NTM: variants seen among roughly 807,000 people sequenced by gnomAD.
NTM encodes the protein IgLON family member 2.
NTM carries 13 observed loss-of-function variants against 42.1 expected under a neutral mutation model. That is an observed-to-expected ratio of 0.31 (90% CI 0.20 to 0.49). The LOEUF is 0.49. Among genes scored for constraint, NTM ranks in the 20% least tolerant of loss-of-function variants. The pLI is 0.99. For missense variants in NTM, 373 were observed against 452.8 expected, an observed-to-expected ratio of 0.82 and a Z score of 1.60; for synonymous variants, 187 against 179.2, an observed-to-expected ratio of 1.04 and a Z score of -0.35.
At chr11:131,871,082 T>A (rs36119758) in intron 1 of NTM, among the ~76,000 whole-genome samples, 3 of 152,188 alleles carry the variant, frequency 2.0e-5, no homozygotes, top group Non-Finnish European at 4.4e-5. Context: ...GAATCTATTG[T>A]GAGTTTATTA....
chr11:131,373,792 C>T (rs1222784398), intron 1 of NTM, among the ~76,000 whole-genome samples: 3 of 152,164 alleles, frequency 2.0e-5, no homozygotes. Flanking sequence ...GGCTAGGTTC[C>T]TCTCTTACCT....
chr11:132,321,480 A>C (rs2136283846), intron 7 of NTM, among the ~76,000 whole-genome samples: 1 of 152,336 alleles, frequency 6.6e-6, no homozygotes, highest in Non-Finnish European at 1.5e-5. Context: ...TTAGAGAAAA[A>C]AAGAATAAAA....
chr11:132,330,037 C>T (rs576890401), intron 7 of NTM, 116 bp from the exon 8 acceptor site: 43 of 1,486,948 alleles, frequency 2.9e-5, no homozygotes, highest in Middle Eastern at 1.8e-4. Context: ...GGGCAAGAGG[C>T]GCAGGGACGC....
chr11:131,399,946 C>T (rs1944953956), intron 1 of NTM, among the ~76,000 whole-genome samples: 1 of 152,004 alleles, frequency 6.6e-6, no homozygotes, highest in Non-Finnish European at 1.5e-5. Context: ...AGATTGGGTA[C>T]ACATGAAATT....
chr11:131,508,527 A>G, intron 1 of NTM, among the ~76,000 whole-genome samples: 1 of 135,506 alleles, frequency 7.4e-6, no homozygotes, highest in East Asian at 2.1e-4. Flanking sequence ...CAGCCATCCC[A>G]TTACTGGGTA....
intron 1 of NTM, among the ~76,000 whole-genome samples, chr11:131,620,135 T>C (rs922971290): frequency 7.2e-5 from 11 of 152,136 alleles, no homozygotes; most frequent in Non-Finnish European, 1.5e-5. Context: ...AAGCACACAA[T>C]AAAAATAGCC....
intron 1 of NTM, among the ~76,000 whole-genome samples, chr11:131,612,753 C>T (rs2061562202): frequency 6.6e-6 from 1 of 152,216 alleles, no homozygotes; most frequent in African/African-American, 2.4e-5. Flanking sequence ...ACCAGTTGGC[C>T]CAGCCACACC....
At chr11:131,682,663 CCTTGTTA>C (rs1388959213) in intron 1 of NTM, among the ~76,000 whole-genome samples, 1 of 152,234 alleles carries the variant, frequency 6.6e-6, no homozygotes, top group Non-Finnish European at 1.5e-5. Flanking sequence ...GCGGGTCCTT[CCTTGTTA>C]CTGCACCCTG....
chr11:131,743,608 G>A (rs1372730075), intron 1 of NTM, among the ~76,000 whole-genome samples: 1 of 152,132 alleles, frequency 6.6e-6, no homozygotes, highest in African/African-American at 2.4e-5. Context: ...CCAGAATGAA[G>A]GCATATCAGG....
chr11:131,972,042 C>CAAAAAAAAAAAAAAAAAAAAA (rs61627120), intron 2 of NTM, among the ~76,000 whole-genome samples: 11 of 57,828 alleles, frequency 1.9e-4, no homozygotes, highest in African/African-American at 6.1e-4. Flanking sequence ...GACTCCGTCT[C>CAAAAAAAAAAAAAAAAAAAAA]AAAAAAAAAA....
At chr11:132,229,642 G>A (rs562270322) in intron 4 of NTM, among the ~76,000 whole-genome samples, 6 of 152,326 alleles carry the variant, frequency 3.9e-5, no homozygotes, top group East Asian at 3.9e-4. Context: ...GAAAGTTGAC[G>A]TCTAAACTGT....
In NTM at chr11:131,803,434, A is replaced by G. The variant is rs576096579; in HGVS notation, c.83-108130A>G. 8.6e-5 allele frequency among the ~76,000 whole-genome samples: 13 copies of G among 151,850 alleles called. 1 individual carries two copies. The highest frequency in any genetic ancestry group is 1.9e-4 in the Non-Finnish European group (13 of 67,902). On this transcript the variant is annotated intron_variant, in intron 1 of 8. Transcript: ENST00000683400. ...AGCAATTCTCCTGCCTCAGCCTCCC[A>G]AGTAGCTGGGACTACAGGTGTGCAC... is the stretch of plus-strand genomic sequence containing the variant.
At chr11:131,847,113 G>A (rs1355637037) in intron 1 of NTM, among the ~76,000 whole-genome samples, 1 of 152,014 alleles carries the variant, frequency 6.6e-6, no homozygotes, top group East Asian at 1.9e-4. Flanking sequence ...AGGGACTATG[G>A]TTATCTTTTC....
rs192310808 is a variant in NTM, at chr11:131,720,882, G to C, written c.83-190682G>C. On this transcript the variant is annotated intron_variant, in intron 1 of 8. Transcript: ENST00000683400. Reference sequence around the variant, plus strand: ...TAAAGGTAATGATAAGGACTTACCAGGTAGGGGTTTTCTGAGGGCTAAATG... The same window carrying C: ...TAAAGGTAATGATAAGGACTTACCACGTAGGGGTTTTCTGAGGGCTAAATG... Among the ~76,000 whole-genome samples the C allele has an allele frequency of 7.2e-5, 11 of 152,234 alleles. No homozygotes were observed. In the East Asian group the frequency reaches 1.4e-3, roughly 19 times the overall value.
intron 1 of NTM, among the ~76,000 whole-genome samples, chr11:131,472,048 C>T (rs150878950): frequency 6.7e-4 from 102 of 152,336 alleles, no homozygotes; most frequent in African/African-American, 2.4e-3. Context: ...CAAACCTGAA[C>T]ATCTCTCTTT....
intron 1 of NTM, among the ~76,000 whole-genome samples, chr11:131,550,747 G>A (rs903841392): frequency 2.0e-5 from 3 of 151,998 alleles, no homozygotes; most frequent in Non-Finnish European, 2.9e-5. Flanking sequence ...GAGATGAGAC[G>A]ATCCTTTGAG....
At chr11:132,167,573 T>C (rs1172265558) in intron 3 of NTM, among the ~76,000 whole-genome samples, 1 of 152,226 alleles carries the variant, frequency 6.6e-6, no homozygotes, top group African/African-American at 2.4e-5. Context: ...ATGGCTGTCA[T>C]GTATCTTGCC....
chr11:132,249,155 AC>A (rs1270972408), intron 4 of NTM, among the ~76,000 whole-genome samples: 1 of 152,194 alleles, frequency 6.6e-6, no homozygotes, highest in African/African-American at 2.4e-5. Flanking sequence ...CCCCCTCTGA[AC>A]TGGCATCAGC....
At chr11:132,039,442 A>T (rs1471411902) in intron 2 of NTM, among the ~76,000 whole-genome samples, 1 of 148,858 alleles carries the variant, frequency 6.7e-6, no homozygotes, top group African/African-American at 2.5e-5. Context: ...TTTTTTAGAA[A>T]GACAGGGTCT....
Sources: gnomAD v4.1 joint callset for allele counts (sites outside exome capture counted in the v4.1 genomes callset) on GRCh38, gnomAD v4.1.1 for gene constraint, MANE v1.5 for transcripts, NCBI Gene and HGNC (gene_info 2026-07-23, HGNC 2026-07-21) for gene names.